The following NIBAN1 variants were observed in gnomAD, a reference collection of about 807,000 sequenced individuals.
The protein encoded by NIBAN1 is niban apoptosis regulator 1, also known as protein Niban 1.
In NIBAN1, 81 loss-of-function variants were observed where a neutral mutation model predicts 75.1. The ratio of observed to expected loss-of-function variants is 1.08; its 90% CI spans 0.90 to 1.30. NIBAN1 has a LOEUF of 1.30. Ranked by LOEUF, NIBAN1 falls within the 50% of genes most tolerant of loss-of-function variation. The pLI, the probability that NIBAN1 is intolerant of heterozygous loss-of-function variation, is 0.00. For missense variants in NIBAN1, 1,133 were observed against 1,128.1 expected, an observed-to-expected ratio of 1.00 and a Z score of -0.06; for synonymous variants, 436 against 424.8, an observed-to-expected ratio of 1.03 and a Z score of -0.32.
At chr1:184,960,587 T>C (rs138341648) in intron 1 of NIBAN1, among the ~76,000 whole-genome samples, 149 of 152,182 alleles carry the variant, frequency 9.8e-4, no homozygotes, top group African/African-American at 3.5e-3. Flanking sequence ...TACATTCTAG[T>C]GGTGGCAGAC....
At position 184,795,360 on chromosome 1, in the gene NIBAN1, C is replaced by T. The variant is rs563889793; in HGVS notation, c.2404G>A (p.Gly802Arg). Residue 802 changes from glycine (G) to arginine (R), a missense_variant, in exon 14 of 14, where the codon GGG (glycine) becomes AGG (arginine). Coordinates refer to ENST00000367511, the MANE Select transcript of NIBAN1 (RefSeq NM_052966.4). ...GGCCCCAGGGGCTCCTCGGTGAGCC[C>T]TCCACTGGCTGGCGGAGAGGCTGGG... is the stretch of plus-strand genomic sequence containing the variant. ...GSPASPPASG[G>R]LTEEPLGPME... is the part of the protein sequence containing the mutation. The T allele has an allele frequency of 3.0e-4, 489 of 1,609,126 alleles. 4 individuals carry two copies. In the South Asian group the frequency reaches 5.1e-3, roughly 17 times the overall value.
At chr1:184,925,258 G>A (rs1401903174) in intron 1 of NIBAN1, among the ~76,000 whole-genome samples, 1 of 151,814 alleles carries the variant, frequency 6.6e-6, no homozygotes, top group African/African-American at 2.4e-5. Context: ...CATTTGTATG[G>A]AACATCTTTT....
At chr1:184,945,915 T>G (rs1658209763) in intron 1 of NIBAN1, among the ~76,000 whole-genome samples, 1 of 151,864 alleles carries the variant, frequency 6.6e-6, no homozygotes, top group African/African-American at 2.4e-5. Flanking sequence ...GTCTGTATAG[T>G]CACAGATGGT....
intron 3 of NIBAN1, among the ~76,000 whole-genome samples, chr1:184,891,682 C>A (rs1247629374): frequency 6.6e-6 from 1 of 152,106 alleles, no homozygotes; most frequent in African/African-American, 2.4e-5. Context: ...AGCCCCAGTG[C>A]ACACAAAATA....
At chr1:184,857,362 G>T (rs1490040647) in intron 5 of NIBAN1, among the ~76,000 whole-genome samples, 1 of 152,146 alleles carries the variant, frequency 6.6e-6, no homozygotes, top group African/African-American at 2.4e-5. Flanking sequence ...GATGGGAAAA[G>T]CACACTACAA....
At position 184,792,518 on chromosome 1, in the gene NIBAN1, C is replaced by T. The variant is rs1479940338; in HGVS notation, c.*2459G>A. On this transcript the variant is annotated 3_prime_UTR_variant, in exon 14 of 14. Transcript: ENST00000367511. ...CTGGGCTGGGACTCCACACTACTGT[C>T]CCAGGGAGTCGGGCAGCCTTTGTGG... 6.5e-6 allele frequency: 1 copy of T among 152,764 alleles called. No homozygotes were observed. Among genetic ancestry groups the T allele is most frequent in the African/African-American group, 2.4e-5 (1 of 41,472 alleles). The allele number at this position is 152,764 out of a possible 1,614,324, so 9.5% of individuals were successfully genotyped here.
At chr1:184,958,915 GC>G (rs1161727568) in intron 1 of NIBAN1, among the ~76,000 whole-genome samples, 1 of 152,194 alleles carries the variant, frequency 6.6e-6, no homozygotes, top group African/African-American at 2.4e-5. Flanking sequence ...TTAACTCTAA[GC>G]CTGCATCTGC....
chr1:184,831,584 C>T (rs1655000862), intron 6 of NIBAN1, among the ~76,000 whole-genome samples: 1 of 152,162 alleles, frequency 6.6e-6, no homozygotes, highest in Admixed American at 6.5e-5. Context: ...TAATTCTTTT[C>T]ATAGAAAACA....
chr1:184,909,007 TAACTGAAATTCAGA>T (rs1657173440), intron 1 of NIBAN1, among the ~76,000 whole-genome samples: 1 of 152,198 alleles, frequency 6.6e-6, no homozygotes, highest in Admixed American at 6.5e-5. Context: ...GGAAAACATC[TAACTGAAATTCAGA>T]AACTGAAATA....
chr1:184,944,265 T>C (rs958372304), intron 1 of NIBAN1, among the ~76,000 whole-genome samples: 7 of 152,180 alleles, frequency 4.6e-5, no homozygotes, highest in African/African-American at 1.7e-4. Context: ...TAGATTATAA[T>C]AGTCTGCTGA....
intron 1 of NIBAN1, among the ~76,000 whole-genome samples, chr1:184,955,637 TCA>T (rs1658470801): frequency 1.3e-5 from 2 of 152,194 alleles, no homozygotes; most frequent in Non-Finnish European, 2.9e-5. Context: ...GAGCCCAGAC[TCA>T]ACTTTTCTTA....
intron 1 of NIBAN1, among the ~76,000 whole-genome samples, chr1:184,903,829 C>A (rs1657017495): frequency 6.6e-6 from 1 of 150,782 alleles, no homozygotes; most frequent in Middle Eastern, 3.5e-3. Flanking sequence ...CTTGACCTCC[C>A]AGTCTTAAGC....
At chr1:184,884,366 G>A (rs1406154997) in intron 5 of NIBAN1, among the ~76,000 whole-genome samples, 1 of 151,898 alleles carries the variant, frequency 6.6e-6, no homozygotes, top group Non-Finnish European at 1.5e-5. Flanking sequence ...TGGGATTACA[G>A]GTGCCCACCA....
chr1:184,965,306 A>T (rs948141769), intron 1 of NIBAN1, among the ~76,000 whole-genome samples: 1 of 152,094 alleles, frequency 6.6e-6, no homozygotes, highest in Non-Finnish European at 1.5e-5. Flanking sequence ...CTCAAAAAAA[A>T]AAAAGAGAAG....
chr1:184,890,950 G>A (rs968968102), intron 3 of NIBAN1, among the ~76,000 whole-genome samples: 1 of 152,094 alleles, frequency 6.6e-6, no homozygotes, highest in African/African-American at 2.4e-5. Context: ...CTGACGGGAG[G>A]GCTTAAGTCA....
chr1:184,832,167 T>C (rs1655017453), intron 5 of NIBAN1, among the ~76,000 whole-genome samples: 1 of 152,190 alleles, frequency 6.6e-6, no homozygotes, highest in Non-Finnish European at 1.5e-5. Context: ...TCCTAGCTGA[T>C]GAATTCTATC....
At chr1:184,962,835 A>G (rs1321994044) in intron 1 of NIBAN1, among the ~76,000 whole-genome samples, 1 of 152,224 alleles carries the variant, frequency 6.6e-6, no homozygotes, top group Non-Finnish European at 1.5e-5. Context: ...TCAAGAAACC[A>G]GTAACTTATA....
At chr1:184,924,030 TTTGA>T (rs1366591719) in intron 1 of NIBAN1, among the ~76,000 whole-genome samples, 3 of 151,970 alleles carry the variant, frequency 2.0e-5, no homozygotes, top group Non-Finnish European at 2.9e-5. Flanking sequence ...ACAAGAATAA[TTTGA>T]TGTCTTCCTT....
chr1:184,820,761 C>T (rs1278578430), intron 8 of NIBAN1, among the ~76,000 whole-genome samples: 1 of 152,256 alleles, frequency 6.6e-6, no homozygotes, highest in African/African-American at 2.4e-5. Context: ...ACAACTAGCT[C>T]TGGAATCTCA....
Sources: allele counts gnomAD v4.1 joint callset (sites outside exome capture counted in the v4.1 genomes callset), GRCh38; gene constraint gnomAD v4.1.1; transcripts MANE v1.5; gene names NCBI Gene and HGNC (gene_info 2026-07-23, HGNC 2026-07-21).